Variants in PTPRT observed in about 807,000 individuals in gnomAD.
PTPRT encodes receptor-type tyrosine-protein phosphatase T.
Under a neutral mutation model 176.8 loss-of-function variants are expected in PTPRT, and 56 were observed. The observed-to-expected ratio is 0.32, with a 90% CI of 0.26 to 0.40. The LOEUF is 0.40. Among genes scored for constraint, PTPRT ranks in the 10% least tolerant of loss-of-function variants. The probability of loss-of-function intolerance (pLI) is 1.00; values close to 1 mark genes in which losing one functional copy is unlikely to be tolerated. For synonymous variants in PTPRT, 783 were observed against 739.0 expected (o/e 1.06, Z -0.96); for missense variants, 1,540 against 1,908.2 (o/e 0.81, Z 3.60).
At chr20:42,270,048 T>C (rs558292855) in intron 13 of PTPRT, among the ~76,000 whole-genome samples, 2 of 152,240 alleles carry the variant, frequency 1.3e-5, no homozygotes, top group South Asian at 4.2e-4. Context: ...TTTATTTGTG[T>C]AGTTTTTGGA....
the PTPRT span, among the ~76,000 whole-genome samples, chr20:42,066,332 G>A: frequency 6.6e-6 from 1 of 152,110 alleles, no homozygotes; most frequent in African/African-American, 2.4e-5. Flanking sequence ...ATGAGCCACT[G>A]CGCCTGGCTG....
At chr20:42,926,042 G>A (rs567842692) in intron 1 of PTPRT, among the ~76,000 whole-genome samples, 8 of 152,322 alleles carry the variant, frequency 5.3e-5, no homozygotes, top group Middle Eastern at 3.4e-3. Flanking sequence ...TAGATGGGCC[G>A]TCCCCTCTCA....
chr20:42,582,065 T>G (rs1018028144), intron 7 of PTPRT, among the ~76,000 whole-genome samples: 9 of 152,314 alleles, frequency 5.9e-5, no homozygotes, highest in Admixed American at 5.9e-4. Flanking sequence ...ACTTGCTAAG[T>G]GCTGTGATGA....
At chr20:42,605,763 T>C (rs1440170792) in intron 7 of PTPRT, among the ~76,000 whole-genome samples, 1 of 152,200 alleles carries the variant, frequency 6.6e-6, no homozygotes, top group Admixed American at 6.5e-5. Flanking sequence ...CTCCCCCTCC[T>C]ACAGGAGCCC....
chr20:42,352,634 A>T (rs1424771709), intron 9 of PTPRT, among the ~76,000 whole-genome samples: 2 of 152,212 alleles, frequency 1.3e-5, no homozygotes, highest in Non-Finnish European at 2.9e-5. Context: ...TGAAATAATG[A>T]ATAAGATCTT....
At chr20:42,454,635 T>A (rs943161382) in intron 8 of PTPRT, among the ~76,000 whole-genome samples, 2 of 152,266 alleles carry the variant, frequency 1.3e-5, no homozygotes, top group Non-Finnish European at 2.9e-5. Context: ...TCCTGTTGCA[T>A]ATGTTTGATA....
intron 1 of PTPRT, among the ~76,000 whole-genome samples, chr20:43,001,217 T>C (rs1014041667): frequency 1.3e-5 from 2 of 152,200 alleles, no homozygotes; most frequent in African/African-American, 2.4e-5. Context: ...GAATGCACTA[T>C]TGCTGAACTG....
intron 1 of PTPRT, among the ~76,000 whole-genome samples, chr20:43,172,785 A>C (rs563109156): frequency 7.9e-5 from 12 of 152,266 alleles, no homozygotes; most frequent in African/African-American, 2.9e-4. Context: ...AAAGGGTTTA[A>C]GTAGCTTGTT....
intron 10 of PTPRT, among the ~76,000 whole-genome samples, chr20:42,351,582 A>G (rs1398849899): frequency 6.6e-6 from 1 of 152,236 alleles, no homozygotes; most frequent in Non-Finnish European, 1.5e-5. Flanking sequence ...AAAGCTGTAA[A>G]AAAGGTTCTG....
chr20:42,873,504 A>G (rs1490909012), intron 2 of PTPRT, among the ~76,000 whole-genome samples: 1 of 152,220 alleles, frequency 6.6e-6, no homozygotes, highest in East Asian at 1.9e-4. Flanking sequence ...GTATTGACCA[A>G]TAGAAACACA....
At chr20:42,989,843 TG>T (rs1451951589) in intron 1 of PTPRT, among the ~76,000 whole-genome samples, 1 of 152,192 alleles carries the variant, frequency 6.6e-6, no homozygotes, top group Non-Finnish European at 1.5e-5. Flanking sequence ...TCACTGAGAA[TG>T]TGAAAGGCAA....
chr20:43,185,021 C>G (rs908620014), intron 1 of PTPRT, among the ~76,000 whole-genome samples: 1 of 152,184 alleles, frequency 6.6e-6, no homozygotes, highest in African/African-American at 2.4e-5. Context: ...AACCCCTGTC[C>G]CTGTGGCTGT....
intron 1 of PTPRT, among the ~76,000 whole-genome samples, chr20:43,073,549 GT>G (rs1211378283): frequency 6.6e-6 from 1 of 151,132 alleles, no homozygotes; most frequent in Non-Finnish European, 1.5e-5. Flanking sequence ...TAGCACATGT[GT>G]TTTTTATATA....
intron 7 of PTPRT, among the ~76,000 whole-genome samples, chr20:42,580,045 T>C (rs563866929): frequency 1.3e-5 from 2 of 152,344 alleles, no homozygotes; most frequent in East Asian, 3.9e-4. Flanking sequence ...AGGTCTAACA[T>C]GTAAGTCTTT....
chr20:42,856,658 A>G (rs2078568563), intron 2 of PTPRT, among the ~76,000 whole-genome samples: 1 of 151,984 alleles, frequency 6.6e-6, no homozygotes, highest in South Asian at 2.1e-4. Flanking sequence ...TCAATACTAG[A>G]TCCGCTGCAG....
At chr20:42,150,323 G>A (rs1209155329) in intron 17 of PTPRT, among the ~76,000 whole-genome samples, 1 of 152,120 alleles carries the variant, frequency 6.6e-6, no homozygotes, top group Non-Finnish European at 1.5e-5. Context: ...ACTCTCCTTT[G>A]CTTGACTGTA....
chr20:42,922,146 G>A (rs1317142640), intron 1 of PTPRT, among the ~76,000 whole-genome samples: 2 of 152,134 alleles, frequency 1.3e-5, no homozygotes, highest in Admixed American at 1.3e-4. Context: ...ATATTGGCCA[G>A]GCTGATCTCA....
chr20:42,904,519 TAAC>T (rs1477802964), intron 1 of PTPRT, among the ~76,000 whole-genome samples: 30 of 152,068 alleles, frequency 2.0e-4, no homozygotes. Context: ...GCAATGCCCA[TAAC>T]AACAGTGGAA....
intron 1 of PTPRT, among the ~76,000 whole-genome samples, chr20:42,900,869 CG>C (rs1250923050): frequency 1.3e-5 from 2 of 151,990 alleles, no homozygotes; most frequent in Non-Finnish European, 2.9e-5. Flanking sequence ...TAAAACCCCT[CG>C]TGGCTTGGAA....
Sources: allele counts gnomAD v4.1 joint callset (sites outside exome capture counted in the v4.1 genomes callset), GRCh38; gene constraint gnomAD v4.1.1; transcripts MANE v1.5; gene names NCBI Gene and HGNC (gene_info 2026-07-23, HGNC 2026-07-21).